BLTP3A: variants seen among roughly 807,000 people sequenced by gnomAD.
BLTP3A encodes the protein ICBP90 binding protein 1.
chr6:34,829,366 C>G, the BLTP3A span, among the ~76,000 whole-genome samples: 23 of 152,140 alleles, frequency 1.5e-4, no homozygotes, highest in African/African-American at 5.1e-4. Context: ...TGGTTGACTT[C>G]TTTCACTTAG....
chr6:34,809,101 A>G, the BLTP3A span, among the ~76,000 whole-genome samples: 116 of 152,334 alleles, frequency 7.6e-4, no homozygotes, highest in African/African-American at 2.6e-3. Context: ...AAGGAAAGAA[A>G]ACTTCAGACC....
At chr6:34,845,118 C>T in the BLTP3A span, among the ~76,000 whole-genome samples, 4 of 152,178 alleles carry the variant, frequency 2.6e-5, no homozygotes, top group African/African-American at 7.2e-5. Flanking sequence ...ACCATCCTTT[C>T]CCCAATGTAT....
At chr6:34,827,492 T>G in the BLTP3A span, among the ~76,000 whole-genome samples, 2 of 152,180 alleles carry the variant, frequency 1.3e-5, no homozygotes, top group African/African-American at 4.8e-5. Flanking sequence ...GATTTACTTT[T>G]TCAAGTTTCA....
chr6:34,859,717 C>T, the BLTP3A span: 1 of 1,230,248 alleles, frequency 8.1e-7, no homozygotes, highest in South Asian at 1.5e-5. Flanking sequence ...ATTTAATGGG[C>T]AGTTTTCAAG....
At chr6:34,871,149 G>C in the BLTP3A span, 1 of 1,589,694 alleles carries the variant, frequency 6.3e-7, no homozygotes, top group South Asian at 1.1e-5. Context: ...GCCAATGTAA[G>C]GGCACATTGG....
the BLTP3A span, chr6:34,867,074 C>A: frequency 1.2e-6 from 1 of 835,132 alleles, no homozygotes; most frequent in Non-Finnish European, 1.7e-6. Context: ...TCCTTAAATT[C>A]ATCAAATATC....
chr6:34,811,317 C>T, the BLTP3A span, among the ~76,000 whole-genome samples: 1 of 152,068 alleles, frequency 6.6e-6, no homozygotes, highest in African/African-American at 2.4e-5. Flanking sequence ...CTAGAATGGT[C>T]AGAATAATCT....
chr6:34,848,099 T>C, the BLTP3A span, among the ~76,000 whole-genome samples: 1 of 150,308 alleles, frequency 6.7e-6, no homozygotes, highest in Non-Finnish European at 1.5e-5. Context: ...TTTTTTTTTT[T>C]TTGTAGAGAT....
At chr6:34,808,311 A>G in the BLTP3A span, among the ~76,000 whole-genome samples, 3 of 133,458 alleles carry the variant, frequency 2.2e-5, no homozygotes, top group African/African-American at 5.8e-5. Flanking sequence ...GCTCCGTTGC[A>G]CTCCAGCCTG....
chr6:34,859,751 T>C, the BLTP3A span, among the ~76,000 whole-genome samples: 1 of 152,172 alleles, frequency 6.6e-6, no homozygotes, highest in Non-Finnish European at 1.5e-5. Flanking sequence ...CTTCTTAGAA[T>C]CAGATTATCT....
chr6:34,862,063 T>C, the BLTP3A span, among the ~76,000 whole-genome samples: 1 of 152,206 alleles, frequency 6.6e-6, no homozygotes. Context: ...ATTTTACATA[T>C]CTAAATCTTT....
the BLTP3A span, among the ~76,000 whole-genome samples, chr6:34,850,088 A>C: frequency 7.1e-6 from 1 of 141,742 alleles, no homozygotes; most frequent in African/African-American, 2.9e-5. Flanking sequence ...GGTTGTGGTG[A>C]GCCAAGATCG....
At chr6:34,858,004 A>T in the BLTP3A span, 1 of 1,560,588 alleles carries the variant, frequency 6.4e-7, no homozygotes, top group Non-Finnish European at 8.6e-7. Context: ...TGCTCTGTCC[A>T]TTTTGTGGAA....
the BLTP3A span, among the ~76,000 whole-genome samples, chr6:34,846,842 C>T: frequency 6.6e-6 from 1 of 152,100 alleles, no homozygotes; most frequent in East Asian, 1.9e-4. Flanking sequence ...TATCTTGTTC[C>T]AAATATTACA....
the BLTP3A span, chr6:34,867,330 C>T: frequency 1.2e-6 from 2 of 1,614,182 alleles, no homozygotes; most frequent in Non-Finnish European, 8.5e-7. Context: ...GGGTCACCAG[C>T]AGCCAACAGT....
chr6:34,835,150 A>T, the BLTP3A span: 33 of 951,650 alleles, frequency 3.5e-5, no homozygotes, highest in Non-Finnish European at 2.6e-5. Context: ...TAGTAGTTTT[A>T]TAAGAAATTG....
At chr6:34,818,191 G>A in the BLTP3A span, among the ~76,000 whole-genome samples, 83 of 152,236 alleles carry the variant, frequency 5.5e-4, no homozygotes, top group South Asian at 8.3e-4. Flanking sequence ...CCATGAGGCC[G>A]GGTACAATGG....
the BLTP3A span, chr6:34,875,778 ATTCGTG>A: frequency 6.6e-6 from 1 of 152,204 alleles, no homozygotes; most frequent in Admixed American, 6.5e-5. Flanking sequence ...CTAATTTCAT[ATTCGTG>A]TTCATAATGA....
the BLTP3A span, among the ~76,000 whole-genome samples, chr6:34,792,959 T>C: frequency 0.44 from 66,674 of 152,112 alleles, 16,423 homozygotes; most frequent in African/African-American, 0.67. Flanking sequence ...GGACTTCTTT[T>C]TCCCTCTTTT....
Sources: gnomAD v4.1 joint callset for allele counts (sites outside exome capture counted in the v4.1 genomes callset) on GRCh38, gnomAD v4.1.1 for gene constraint, MANE v1.5 for transcripts, NCBI Gene and HGNC (gene_info 2026-07-23, HGNC 2026-07-21) for gene names.